RSRC1: variants seen among roughly 807,000 people sequenced by gnomAD.
RSRC1 encodes serine/Arginine-related protein 53.
Under a neutral mutation model 49.1 loss-of-function variants are expected in RSRC1, and 39 were observed. That is an observed-to-expected ratio of 0.79 (90% CI 0.61 to 1.04). RSRC1 has a LOEUF of 1.04. Among genes scored for constraint, RSRC1 ranks in the 50% least tolerant of loss-of-function variants. The probability of loss-of-function intolerance (pLI) is 0.00; values close to 1 mark genes in which losing one functional copy is unlikely to be tolerated. For missense variants in RSRC1, 388 were observed against 402.4 expected (o/e 0.96, Z 0.31); for synonymous variants, 143 against 130.8 (o/e 1.09, Z -0.63).
intron 5 of RSRC1, among the ~76,000 whole-genome samples, chr3:158,340,193 C>G (rs763000451): frequency 1.3e-5 from 2 of 152,102 alleles, no homozygotes; most frequent in African/African-American, 4.8e-5. Context: ...ATAAGTCTCA[C>G]GAGATCTGAT....
intron 4 of RSRC1, among the ~76,000 whole-genome samples, chr3:158,255,065 T>C (rs1328596114): frequency 2.6e-5 from 4 of 152,232 alleles, no homozygotes. Context: ...CAGAAGCTCT[T>C]TGATTAGATC....
chr3:158,418,925 T>C (rs767769891), intron 6 of RSRC1, among the ~76,000 whole-genome samples: 1 of 151,994 alleles, frequency 6.6e-6, no homozygotes, highest in African/African-American at 2.4e-5. Context: ...GTGATACTTT[T>C]CTGTCATGAA....
At chr3:158,359,950 T>G (rs925773843) in intron 6 of RSRC1, among the ~76,000 whole-genome samples, 3 of 151,792 alleles carry the variant, frequency 2.0e-5, no homozygotes, top group African/African-American at 7.3e-5. Context: ...TCCTAATGAG[T>G]GTTCAGCTCT....
chr3:158,416,094 AT>A (rs1451635601), intron 6 of RSRC1, among the ~76,000 whole-genome samples: 1 of 151,800 alleles, frequency 6.6e-6, no homozygotes, highest in Non-Finnish European at 1.5e-5. Context: ...TGCTTTCTTT[AT>A]TTTGTCATTT....
At chr3:158,356,961 A>G (rs182106795) in intron 6 of RSRC1, among the ~76,000 whole-genome samples, 4 of 152,280 alleles carry the variant, frequency 2.6e-5, no homozygotes, top group African/African-American at 9.6e-5. Flanking sequence ...ATTTAACTTC[A>G]ATGTTCTAAA....
intron 4 of RSRC1, among the ~76,000 whole-genome samples, chr3:158,225,359 A>G (rs1722474397): frequency 6.6e-6 from 1 of 151,926 alleles, no homozygotes. Flanking sequence ...ACACCAGTAT[A>G]TATTAAATAC....
intron 6 of RSRC1, among the ~76,000 whole-genome samples, chr3:158,395,151 C>G (rs1733538043): frequency 6.6e-6 from 1 of 152,062 alleles, no homozygotes; most frequent in South Asian, 2.1e-4. Flanking sequence ...AAACTAGACC[C>G]CTTCCTTAGA....
At chr3:158,497,376 T>C (rs1324461267) in intron 7 of RSRC1, among the ~76,000 whole-genome samples, 1 of 151,694 alleles carries the variant, frequency 6.6e-6, no homozygotes, top group African/African-American at 2.4e-5. Flanking sequence ...TGCACCACAT[T>C]TGTAGTCTTC....
intron 5 of RSRC1, among the ~76,000 whole-genome samples, chr3:158,302,478 G>C (rs531890083): frequency 6.6e-6 from 1 of 151,240 alleles, no homozygotes; most frequent in African/African-American, 2.4e-5. Context: ...AAGGCCTTCT[G>C]ATAATGACCC....
At chr3:158,115,732 T>C (rs1026095065) in intron 1 of RSRC1, among the ~76,000 whole-genome samples, 24 of 152,206 alleles carry the variant, frequency 1.6e-4, no homozygotes, top group African/African-American at 5.8e-4. Flanking sequence ...TTCTCATATC[T>C]GCTTCTTCAT....
At chr3:158,422,615 G>A (rs1288224081) in intron 6 of RSRC1, among the ~76,000 whole-genome samples, 4 of 150,170 alleles carry the variant, frequency 2.7e-5, no homozygotes, top group Non-Finnish European at 6.0e-5. Context: ...TGGGTCAAAT[G>A]GTATTTCTAG....
At chr3:158,137,873 C>T (rs1228199733) in intron 3 of RSRC1, among the ~76,000 whole-genome samples, 1 of 152,078 alleles carries the variant, frequency 6.6e-6, no homozygotes, top group Non-Finnish European at 1.5e-5. Context: ...AGACTGGTCT[C>T]GAATTCCTGA....
At chr3:158,327,297 T>C (rs1729218307) in intron 5 of RSRC1, among the ~76,000 whole-genome samples, 1 of 152,212 alleles carries the variant, frequency 6.6e-6, no homozygotes, top group African/African-American at 2.4e-5. Context: ...TTGCTCTTGC[T>C]TCTCTAGTTC....
intron 4 of RSRC1, among the ~76,000 whole-genome samples, chr3:158,219,906 A>T (rs1431534066): frequency 6.6e-6 from 1 of 151,588 alleles, no homozygotes; most frequent in Non-Finnish European, 1.5e-5. Flanking sequence ...AATGGAAGAG[A>T]ATGAAAATCA....
At chr3:158,517,870 A>G (rs1740662418) in intron 7 of RSRC1, among the ~76,000 whole-genome samples, 1 of 139,660 alleles carries the variant, frequency 7.2e-6, no homozygotes, top group Non-Finnish European at 1.5e-5. Flanking sequence ...TCGCAAAGTG[A>G]GGATTATAGG....
chr3:158,358,453 A>G (rs1356389155), intron 6 of RSRC1, among the ~76,000 whole-genome samples: 1 of 152,118 alleles, frequency 6.6e-6, no homozygotes, highest in African/African-American at 2.4e-5. Flanking sequence ...CTGTAGCGAG[A>G]CACTAATGAA....
chr3:158,492,006 A>G (rs1739103479), intron 7 of RSRC1, among the ~76,000 whole-genome samples: 1 of 152,230 alleles, frequency 6.6e-6, no homozygotes, highest in Non-Finnish European at 1.5e-5. Flanking sequence ...TAAAGAAAAA[A>G]GGTTTAATTG....
rs190912956 is a variant in RSRC1 at position 158,542,131 on chromosome 3, A to G, written c.760-1204A>G. 5.3e-3 allele frequency among the ~76,000 whole-genome samples: 810 copies of G among 152,324 alleles called. 8 individuals carry two copies. The highest frequency in any genetic ancestry group is 5.4e-3 in the Non-Finnish European group (366 of 68,030). ...TCCGAGACAACCTTTGAGTTCATCA[A>G]CTGATGAATGGATAAATAAAATGTG... On this transcript the variant is annotated intron_variant, in intron 8 of 9. Coordinates refer to ENST00000611884, the MANE Select transcript of RSRC1 (RefSeq NM_001271838.2).
chr3:158,196,656 T>G (rs939008049), intron 3 of RSRC1, among the ~76,000 whole-genome samples: 3 of 152,214 alleles, frequency 2.0e-5, no homozygotes, highest in Admixed American at 6.5e-5. Flanking sequence ...ATAGCTCTTA[T>G]TATTTTGAGA....
Sources: allele counts gnomAD v4.1 joint callset (sites outside exome capture counted in the v4.1 genomes callset), GRCh38; gene constraint gnomAD v4.1.1; transcripts MANE v1.5; gene names NCBI Gene and HGNC (gene_info 2026-07-23, HGNC 2026-07-21).